The following SETD2 variants were observed in gnomAD, a reference collection of about 807,000 sequenced individuals.
The protein encoded by SETD2 is SET domain containing 2, histone lysine methyltransferase, also known as histone-lysine N-methyltransferase SETD2.
A neutral mutation model predicts 242.1 loss-of-function variants in SETD2; 31 were observed. That is an observed-to-expected ratio of 0.13 (90% CI 0.10 to 0.17). SETD2 has a LOEUF of 0.17. SETD2 is among the 10% of genes least tolerant of loss of function. SETD2 has a pLI of 1.00. For missense variants in SETD2, 2,481 were observed against 3,046.3 expected (o/e 0.81, Z 4.37); for synonymous variants, 1,006 against 1,066.5 (o/e 0.94, Z 1.11).
At chr3:47,020,391 C>T (rs891535867) in intron 18 of SETD2, among the ~76,000 whole-genome samples, 1 of 152,060 alleles carries the variant, frequency 6.6e-6, no homozygotes, top group South Asian at 2.1e-4. Context: ...ACGATATTGA[C>T]GGGGAGGTGA....
chr3:47,135,789 T>C (rs2043578494), intron 1 of SETD2, among the ~76,000 whole-genome samples: 1 of 152,208 alleles, frequency 6.6e-6, no homozygotes, highest in African/African-American at 2.4e-5. Flanking sequence ...TTGCTCAGTG[T>C]CCTATCCTCT....
intron 1 of SETD2, among the ~76,000 whole-genome samples, chr3:47,134,862 G>A (rs1433137799): frequency 6.6e-6 from 1 of 152,106 alleles, no homozygotes; most frequent in Non-Finnish European, 1.5e-5. Flanking sequence ...GACCTCTAGT[G>A]ATCAACCCAC....
chr3:47,156,774 A>G (rs2044135877), intron 1 of SETD2, among the ~76,000 whole-genome samples: 1 of 152,296 alleles, frequency 6.6e-6, no homozygotes, highest in Admixed American at 6.5e-5. Flanking sequence ...TTATATATGA[A>G]ATCTGGTAAC....
chr3:47,103,536 C>A lies in SETD2; in HGVS notation c.4840-113G>T, dbSNP rs192973455. On this transcript the variant is annotated intron_variant, in intron 6 of 20. Transcript: ENST00000409792. ...ATCAATTAAAAAAAAGATTGTGCTG[C>A]GAAACCTAACCAGTTAAGGTAGGGC... The A allele has an allele frequency of 1.1e-4, 87 of 785,346 alleles. No individual in the cohort carries two copies. The Admixed American group carries it at 1.6e-3, about 15-fold the overall frequency. The allele number at this position is 785,346 out of a possible 1,614,324, so 48.6% of individuals were successfully genotyped here. A position where few individuals can be genotyped will look rare whatever the true frequency, so the allele number is the denominator to read the frequency against.
At chr3:47,086,093 G>T in intron 11 of SETD2, 102 bp downstream of exon 11, 1 of 1,286,122 alleles carries the variant, frequency 7.8e-7, no homozygotes, top group Non-Finnish European at 1.1e-6. Flanking sequence ...TAATACCAAT[G>T]ATACAGTGCT....
chr3:47,083,995 G>T lies in SETD2; in HGVS notation c.5785C>A (p.Leu1929Ile), dbSNP rs769752064. The change falls in exon 12 of 21, where the codon CTC becomes ATC. Residue 1929 changes from leucine to isoleucine, a missense_variant. Leu to Ile is a conservative substitution (Grantham distance 5). Coordinates refer to ENST00000409792, the MANE Select transcript of SETD2 (RefSeq NM_014159.7). ...EEEELQSQQL[L>I]PQQLPECKVD... ...TTGCATTCAGGCAGCTGTTGTGGGA[G>T]TAGCTGTTGTGACTGCAATTCTTCC... is the stretch of plus-strand genomic sequence containing the variant. 1 of 1,614,118 alleles carries T rather than the reference G, an allele frequency of 6.2e-7. No homozygotes were observed. The highest frequency in any genetic ancestry group is 8.5e-7 in the Non-Finnish European group (1 of 1,180,028).
At chr3:47,093,412 T>C (rs539807933) in intron 9 of SETD2, among the ~76,000 whole-genome samples, 1 of 151,730 alleles carries the variant, frequency 6.6e-6, no homozygotes, top group South Asian at 2.1e-4. Flanking sequence ...GCCTCCCAAG[T>C]AGCTGAGATT....
chr3:47,163,534 C>G, intron 1 of SETD2: 1 of 159,060 alleles, frequency 6.3e-6, no homozygotes, highest in Non-Finnish European at 1.4e-5. Context: ...AGAGGACCGC[C>G]GAGCCCCGGG....
rs551558722 is a variant in SETD2 at position 47,151,550 on chromosome 3, G to A, written c.71+12304C>T. Among the ~76,000 whole-genome samples, 16 of 152,046 alleles carry A rather than the reference G, an allele frequency of 1.1e-4. No individual in the cohort carries two copies. In the South Asian group the frequency reaches 2.9e-3, roughly 28 times the overall value. ...TCATGATCTTCTCTAAGAGCATGCC[G>A]CGTACAGTGGCTCATGTCTATAATC... On this transcript the variant is annotated intron_variant, in intron 1 of 20. Transcript: ENST00000409792.
intron 2 of SETD2, among the ~76,000 whole-genome samples, chr3:47,124,851 T>A (rs1193729926): frequency 6.6e-6 from 1 of 152,206 alleles, no homozygotes; most frequent in Non-Finnish European, 1.5e-5. Context: ...CAGGTAGCAT[T>A]TTTTAAAAAG....
chr3:47,054,342 T>C (rs2039968278), intron 15 of SETD2, among the ~76,000 whole-genome samples: 1 of 152,218 alleles, frequency 6.6e-6, no homozygotes. Context: ...AAAAATCATA[T>C]GACCAGGGAG....
intron 4 of SETD2, among the ~76,000 whole-genome samples, chr3:47,114,489 C>T (rs77603536): frequency 0.016 from 2,478 of 152,254 alleles, 188 homozygotes; most frequent in East Asian, 0.13. Flanking sequence ...TGGCATGGCT[C>T]TTCTCCCATG....
chr3:47,109,741 T>A (rs2042577651), intron 5 of SETD2, among the ~76,000 whole-genome samples: 1 of 152,106 alleles, frequency 6.6e-6, no homozygotes, highest in South Asian at 2.1e-4. Flanking sequence ...ATTACAGCAC[T>A]TTGGGAAGCC....
Position 47,042,596 on chromosome 3 carries a change from T to C in SETD2, c.7203A>G (p.Pro2401=). The stretch of plus-strand genomic sequence containing the variant: ...CATGGTAGTAATAAATCTTCCCTTC[T>C]GGATCTCGAGCTGTCTTCCAGTTGG... ...LPPNWKTARD[P]EGKIYYYHVI... The change falls in exon 17 of 21, where the codon CCA becomes CCG. Residue 2401 remains proline (P), a synonymous_variant. Coordinates refer to ENST00000409792, the MANE Select transcript of SETD2 (RefSeq NM_014159.7). The C allele has an allele frequency of 6.2e-7, 1 of 1,614,096 alleles. No homozygotes were observed. Among genetic ancestry groups the C allele is most frequent in the Non-Finnish European group, 8.5e-7 (1 of 1,179,992 alleles).
intron 1 of SETD2, among the ~76,000 whole-genome samples, chr3:47,132,131 C>CT (rs531246872): frequency 0.055 from 7,185 of 129,544 alleles, 729 homozygotes; most frequent in African/African-American, 0.19. Flanking sequence ...ATACACATAT[C>CT]TTTTTTTTTT....
At chr3:47,059,471 G>A (rs1433584990) in intron 14 of SETD2, among the ~76,000 whole-genome samples, 1 of 151,186 alleles carries the variant, frequency 6.6e-6, no homozygotes, top group Non-Finnish European at 1.5e-5. Context: ...CCAGGCTGGA[G>A]TGCAGTGGCG....
intron 18 of SETD2, among the ~76,000 whole-genome samples, chr3:47,021,977 T>A (rs2038241009): frequency 6.6e-6 from 1 of 151,700 alleles, no homozygotes; most frequent in African/African-American, 2.4e-5. Flanking sequence ...TGAAACCTCG[T>A]CTCTACTAAA....
intron 9 of SETD2, among the ~76,000 whole-genome samples, chr3:47,092,494 G>A (rs1489970126): frequency 1.3e-5 from 2 of 149,056 alleles, no homozygotes; most frequent in Non-Finnish European, 3.0e-5. Context: ...TTGATAAACT[G>A]AAAATTTATA....
At chr3:47,148,761 T>A (rs1204563691) in intron 1 of SETD2, among the ~76,000 whole-genome samples, 1 of 152,212 alleles carries the variant, frequency 6.6e-6, no homozygotes, top group Non-Finnish European at 1.5e-5. Context: ...TACAAGTTTC[T>A]TTTTTAAAAG....
Sources: gnomAD v4.1 joint callset for allele counts (sites outside exome capture counted in the v4.1 genomes callset) on GRCh38, gnomAD v4.1.1 for gene constraint, MANE v1.5 for transcripts, NCBI Gene and HGNC (gene_info 2026-07-23, HGNC 2026-07-21) for gene names.